The following TMEM132D variants were observed in gnomAD, a reference collection of about 807,000 sequenced individuals.
TMEM132D encodes the protein transmembrane protein 132D.
In TMEM132D, 21 loss-of-function variants were observed where a neutral mutation model predicts 62.3. The observed-to-expected ratio is 0.34, with a 90% CI of 0.24 to 0.49. The LOEUF is 0.49. TMEM132D is among the 20% of genes least tolerant of loss of function. The pLI, the probability that TMEM132D is intolerant of heterozygous loss-of-function variation, is 0.99. For missense variants in TMEM132D, 1,346 were observed against 1,402.8 expected, an observed-to-expected ratio of 0.96 and a Z score of 0.65; for synonymous variants, 621 against 575.6, an observed-to-expected ratio of 1.08 and a Z score of -1.13.
At chr12:129,282,038 C>T (rs1371508750) in intron 4 of TMEM132D, among the ~76,000 whole-genome samples, 3 of 152,128 alleles carry the variant, frequency 2.0e-5, no homozygotes, top group Non-Finnish European at 2.9e-5. Context: ...TTATAGGTTT[C>T]TCCTAAGAAT....
rs529628796 is a variant in TMEM132D, at chr12:129,311,014, C to T, written c.1299+26620G>A. Among the ~76,000 whole-genome samples, 4 of 95,974 alleles carry T rather than the reference C, an allele frequency of 4.2e-5. 1 individual carries two copies. The highest frequency in any genetic ancestry group is 7.6e-4 in the South Asian group (2 of 2,626). The allele number at this position is 95,974 out of a possible 152,430, so 63.0% of individuals were successfully genotyped here. A position where few individuals can be genotyped will look rare whatever the true frequency, so the allele number is the denominator to read the frequency against. The stretch of plus-strand genomic sequence containing the variant: ...GAGATCGAGACCATCCTGGCTAACA[C>T]GGTGAAACCCCGTCTCTACTAAAAA... On this transcript the variant is annotated intron_variant, in intron 4 of 8. Transcript: ENST00000422113.
At chr12:129,809,584 A>G (rs777759007) in intron 1 of TMEM132D, among the ~76,000 whole-genome samples, 5 of 152,136 alleles carry the variant, frequency 3.3e-5, no homozygotes, top group Admixed American at 6.5e-5. Context: ...CATCCTCAAC[A>G]TTATCAAGTC....
intron 1 of TMEM132D, among the ~76,000 whole-genome samples, chr12:129,705,927 A>G (rs966427607): frequency 6.6e-6 from 1 of 152,170 alleles, no homozygotes; most frequent in African/African-American, 2.4e-5. Flanking sequence ...AAGAGATATC[A>G]GTAGATATGG....
At chr12:129,529,519 T>G (rs1377091865) in intron 3 of TMEM132D, among the ~76,000 whole-genome samples, 1 of 152,242 alleles carries the variant, frequency 6.6e-6, no homozygotes, top group Non-Finnish European at 1.5e-5. Context: ...GGCACAAATA[T>G]TTTCTAATGG....
chr12:129,756,685 G>T (rs7305993), intron 1 of TMEM132D, among the ~76,000 whole-genome samples: 4 of 151,954 alleles, frequency 2.6e-5, no homozygotes, highest in Admixed American at 6.5e-5. Context: ...AAATTATGTG[G>T]GATGTATATT....
chr12:129,599,014 G>C (rs1360368655), intron 2 of TMEM132D, among the ~76,000 whole-genome samples: 1 of 152,174 alleles, frequency 6.6e-6, no homozygotes, highest in Non-Finnish European at 1.5e-5. Context: ...GGAGTTTGGA[G>C]AGAATCTCTT....
rs1397601410 is a variant in TMEM132D, at chr12:129,867,821, G to A, written c.79+35440C>T. Reference sequence around the variant, plus strand: ...ATATTTAAGCCAAAACTAACCTAGTGAAAAACAACAGTTGACAGGGGCCAG... The same window carrying A: ...ATATTTAAGCCAAAACTAACCTAGTAAAAAACAACAGTTGACAGGGGCCAG... On this transcript the variant is annotated intron_variant, in intron 1 of 8. Transcript: ENST00000422113. The surrounding 1 kb of genome is among the most constrained non-coding windows in gnomAD (Gnocchi z 4.5). Among the ~76,000 whole-genome samples the A allele has an allele frequency of 6.6e-6, 1 of 152,160 alleles. No homozygotes were observed. Among genetic ancestry groups the A allele is most frequent in the Non-Finnish European group, 1.5e-5 (1 of 68,018 alleles).
At chr12:129,785,983 T>G (rs1225026264) in intron 1 of TMEM132D, among the ~76,000 whole-genome samples, 1 of 152,222 alleles carries the variant, frequency 6.6e-6, no homozygotes, top group Non-Finnish European at 1.5e-5. Context: ...TTCCCTGTCT[T>G]TATAAATCAG....
chr12:129,582,288 G>A (rs1877887156), intron 2 of TMEM132D, among the ~76,000 whole-genome samples: 1 of 152,214 alleles, frequency 6.6e-6, no homozygotes, highest in Admixed American at 6.5e-5. Flanking sequence ...TGGGTATTTG[G>A]CTTGTTTCTG....
At chr12:129,468,745 G>A (rs1056566644) in intron 3 of TMEM132D, among the ~76,000 whole-genome samples, 6 of 152,152 alleles carry the variant, frequency 3.9e-5, no homozygotes, top group African/African-American at 1.4e-4. Context: ...TTTTACACAA[G>A]ATACTTTGAA....
intron 1 of TMEM132D, among the ~76,000 whole-genome samples, chr12:129,741,530 C>T (rs1869603517): frequency 6.6e-6 from 1 of 152,114 alleles, no homozygotes; most frequent in African/African-American, 2.4e-5. Context: ...CAATAGTATA[C>T]TGAAGAATAT....
At chr12:129,282,054 C>T (rs886208560) in intron 4 of TMEM132D, among the ~76,000 whole-genome samples, 5 of 152,140 alleles carry the variant, frequency 3.3e-5, no homozygotes, top group Non-Finnish European at 5.9e-5. Flanking sequence ...AGAATACTCC[C>T]TCCATCAATC....
chr12:129,255,308 G>A (rs2135592580), intron 4 of TMEM132D, among the ~76,000 whole-genome samples: 1 of 152,288 alleles, frequency 6.6e-6, no homozygotes. Context: ...CATCAGGACT[G>A]TTTTTGGGGC....
chr12:129,173,234 T>G (rs1186561838), intron 5 of TMEM132D, among the ~76,000 whole-genome samples: 3 of 152,290 alleles, frequency 2.0e-5, no homozygotes, highest in Non-Finnish European at 4.4e-5. Flanking sequence ...ATGCAATATC[T>G]TGGAAGCAGA....
chr12:129,650,756 T>C (rs990550924), intron 2 of TMEM132D, among the ~76,000 whole-genome samples: 9 of 152,256 alleles, frequency 5.9e-5, no homozygotes, highest in Non-Finnish European at 1.2e-4. Context: ...CTGTTGGCAG[T>C]GCAGATTTCC....
chr12:129,680,533 G>A (rs79249546), intron 2 of TMEM132D, among the ~76,000 whole-genome samples: 10,501 of 152,002 alleles, frequency 0.069, 489 homozygotes, highest in Non-Finnish European at 0.11. Context: ...GCCTTTGATC[G>A]CAGCTGGGAT....
chr12:129,613,293 G>C (rs7294968), intron 2 of TMEM132D, among the ~76,000 whole-genome samples: 15,454 of 152,064 alleles, frequency 0.1, 907 homozygotes, highest in Middle Eastern at 0.16. Flanking sequence ...AATATTATAA[G>C]AGATAAACCC....
chr12:129,127,703 T>C (rs943422998), intron 5 of TMEM132D, among the ~76,000 whole-genome samples: 1 of 151,886 alleles, frequency 6.6e-6, no homozygotes, highest in Non-Finnish European at 1.5e-5. Flanking sequence ...AACAAAACCA[T>C]GACGAGTATT....
At chr12:129,133,400 T>C (rs564462817) in intron 5 of TMEM132D, among the ~76,000 whole-genome samples, 64 of 152,328 alleles carry the variant, frequency 4.2e-4, no homozygotes, top group African/African-American at 1.5e-3. Context: ...TATAATCAAA[T>C]ATTATTCAGC....
Sources: allele counts gnomAD v4.1 joint callset (sites outside exome capture counted in the v4.1 genomes callset), GRCh38; gene constraint gnomAD v4.1.1; non-coding constraint Gnocchi (gnomAD v3.1); transcripts MANE v1.5; gene names NCBI Gene and HGNC (gene_info 2026-07-23, HGNC 2026-07-21).